The following LRRTM4 variants were observed in gnomAD, a reference collection of about 807,000 sequenced individuals.
LRRTM4 encodes the protein leucine rich repeat transmembrane neuronal 4.
A neutral mutation model predicts 47.6 loss-of-function variants in LRRTM4; 25 were observed. The ratio of observed to expected loss-of-function variants is 0.53; its 90% confidence interval spans 0.38 to 0.73. LRRTM4 has a LOEUF of 0.73. Ranked by LOEUF, LRRTM4 falls within the 30% of genes least tolerant of loss-of-function variation. The probability of loss-of-function intolerance (pLI) is 0.00; values close to 1 mark genes in which losing one functional copy is unlikely to be tolerated. For missense variants in LRRTM4, 638 were observed against 713.4 expected (o/e 0.89, Z 1.20); for synonymous variants, 311 against 269.5 (o/e 1.15, Z -1.51).
rs1672632496 is a variant in LRRTM4, at chr2:76,871,830, C to T, written c.1552-122914G>A. Reference sequence around the variant, plus strand: ...ATGGAAGAGCCCACATGGCAAGGAACTGAAGACTACCTCTGACAGCCAGCA... The same window carrying T: ...ATGGAAGAGCCCACATGGCAAGGAATTGAAGACTACCTCTGACAGCCAGCA... On this transcript the variant is annotated intron_variant, in intron 3 of 3. Transcript: ENST00000409884. Among the ~76,000 whole-genome samples the T allele has an allele frequency of 2.6e-5, 4 of 152,202 alleles. No homozygotes were observed. The South Asian group carries it at 8.3e-4, about 31-fold the overall frequency.
chr2:77,332,998 A>G (rs1178559761), intron 3 of LRRTM4, among the ~76,000 whole-genome samples: 1 of 152,144 alleles, frequency 6.6e-6, no homozygotes, highest in Non-Finnish European at 1.5e-5. Context: ...TTCTCACGTT[A>G]GTGAATGAGT....
At chr2:76,756,799 C>A (rs72917766) in intron 3 of LRRTM4, among the ~76,000 whole-genome samples, 14,931 of 151,934 alleles carry the variant, frequency 0.098, 1,030 homozygotes, top group East Asian at 0.29. Flanking sequence ...AGAAAAATTC[C>A]AGAATTCGAA....
intron 3 of LRRTM4, among the ~76,000 whole-genome samples, chr2:77,092,738 T>C (rs1670688231): frequency 7.0e-6 from 1 of 143,578 alleles, no homozygotes; most frequent in South Asian, 2.2e-4. Flanking sequence ...CTGTCAGACA[T>C]AATTCCTCAG....
intron 3 of LRRTM4, among the ~76,000 whole-genome samples, chr2:76,901,746 T>C (rs1392165719): frequency 6.6e-6 from 1 of 152,098 alleles, no homozygotes; most frequent in Non-Finnish European, 1.5e-5. Flanking sequence ...CTCTTCTCCT[T>C]GTTGAGTGGG....
At chr2:76,940,151 A>G (rs1375614936) in intron 3 of LRRTM4, among the ~76,000 whole-genome samples, 1 of 152,178 alleles carries the variant, frequency 6.6e-6, no homozygotes, top group Non-Finnish European at 1.5e-5. Flanking sequence ...ATATACCTAA[A>G]GCTATGTAAG....
intron 3 of LRRTM4, among the ~76,000 whole-genome samples, chr2:77,207,540 G>T (rs1674170128): frequency 6.6e-6 from 1 of 151,520 alleles, no homozygotes; most frequent in Non-Finnish European, 1.5e-5. Context: ...GTGACTTATT[G>T]TTCATTGCAG....
Position 76,769,577 on chromosome 2 carries a change from A to C in LRRTM4, c.1552-20661T>G, listed in dbSNP as rs1673597802. ...ACAATAATATGGTTGTTAAAATCCT[A>C]TGCTAAGTGTGTCCAATGTTCTTTA... is the stretch of plus-strand genomic sequence containing the variant. On this transcript the variant is annotated intron_variant, in intron 3 of 3. Coordinates refer to ENST00000409884, the MANE Select transcript of LRRTM4 (RefSeq NM_001134745.3). Among the ~76,000 whole-genome samples, 4 of 152,276 alleles carry C rather than the reference A, an allele frequency of 2.6e-5. No homozygotes were observed. The South Asian group carries it at 8.3e-4, about 32-fold the overall frequency.
chr2:77,117,607 TA>T, intron 3 of LRRTM4, among the ~76,000 whole-genome samples: 1 of 151,948 alleles, frequency 6.6e-6, no homozygotes, highest in East Asian at 1.9e-4. Context: ...GACCAATAAA[TA>T]AATAAAATTG....
rs79243287 is a variant in LRRTM4, at chr2:77,250,567, G to T, written c.1551+267751C>A. Among the ~76,000 whole-genome samples the T allele has an allele frequency of 2.8e-3, 427 of 152,168 alleles. 14 individuals carry two copies. In the East Asian group the frequency reaches 0.053, roughly 19 times the overall value. ...TACTAATTTATATGTACATAAACAG[G>T]TCTTCTTAAGTGGTTTCATAAATAT... On this transcript the variant is annotated intron_variant, in intron 3 of 3. Coordinates refer to ENST00000409884, the MANE Select transcript of LRRTM4 (RefSeq NM_001134745.3).
At chr2:77,306,895 A>ATTTTTTTTTTTTTTTTTTTTTTTTT (rs1491512359) in intron 3 of LRRTM4, among the ~76,000 whole-genome samples, 1 of 125,586 alleles carries the variant, frequency 8.0e-6, no homozygotes, top group African/African-American at 3.9e-5. Context: ...CTGCTTTTCC[A>ATTTTTTTTTTTTTTTTTTTTTTTTT]TATTTTTTTT....
At chr2:77,047,937 T>C (rs1231351322) in intron 3 of LRRTM4, among the ~76,000 whole-genome samples, 3 of 152,078 alleles carry the variant, frequency 2.0e-5, no homozygotes, top group Non-Finnish European at 2.9e-5. Flanking sequence ...GTAGGACATT[T>C]AGCAGTGAAG....
At chr2:76,801,473 A>T (rs915985839) in intron 3 of LRRTM4, among the ~76,000 whole-genome samples, 4 of 152,042 alleles carry the variant, frequency 2.6e-5, no homozygotes, top group African/African-American at 4.8e-5. Flanking sequence ...ATGAGATCAC[A>T]TGGACACAGG....
At chr2:77,021,980 T>G (rs1678292504) in intron 3 of LRRTM4, among the ~76,000 whole-genome samples, 2 of 152,122 alleles carry the variant, frequency 1.3e-5, no homozygotes, top group Admixed American at 1.3e-4. Context: ...ACATATCCCC[T>G]TTTCCTCCAC....
intron 3 of LRRTM4, among the ~76,000 whole-genome samples, chr2:77,026,408 T>C (rs1380724421): frequency 6.6e-6 from 1 of 152,138 alleles, no homozygotes; most frequent in African/African-American, 2.4e-5. Context: ...AGATCCTAAA[T>C]GCTTGGTTTT....
intron 3 of LRRTM4, among the ~76,000 whole-genome samples, chr2:76,917,187 A>G (rs766950368): frequency 1.3e-5 from 2 of 152,200 alleles, no homozygotes; most frequent in Non-Finnish European, 2.9e-5. Context: ...CATAAATGAT[A>G]TGCAAATGAA....
chr2:76,933,772 T>A (rs1342792128), intron 3 of LRRTM4, among the ~76,000 whole-genome samples: 1 of 152,082 alleles, frequency 6.6e-6, no homozygotes, highest in Admixed American at 6.6e-5. Context: ...AGCACAGAAT[T>A]AGTATCAGAA....
chr2:77,097,849 C>G (rs899063993), intron 3 of LRRTM4, among the ~76,000 whole-genome samples: 3 of 151,510 alleles, frequency 2.0e-5, no homozygotes, highest in African/African-American at 7.3e-5. Context: ...ACATAGAAAA[C>G]AAGGCACAAT....
chr2:77,465,361 G>GA (rs1158075806), intron 3 of LRRTM4, among the ~76,000 whole-genome samples: 1 of 152,156 alleles, frequency 6.6e-6, no homozygotes, highest in African/African-American at 2.4e-5. Context: ...AAGATTGTGT[G>GA]AAATGAAAGT....
At chr2:76,960,789 A>T (rs193253282) in intron 3 of LRRTM4, among the ~76,000 whole-genome samples, 1 of 151,694 alleles carries the variant, frequency 6.6e-6, no homozygotes, top group East Asian at 1.9e-4. Context: ...ATAGTTGCTT[A>T]AATATCTGGA....
Sources: gnomAD v4.1 joint callset for allele counts (sites outside exome capture counted in the v4.1 genomes callset) on GRCh38, gnomAD v4.1.1 for gene constraint, MANE v1.5 for transcripts, NCBI Gene and HGNC (gene_info 2026-07-23, HGNC 2026-07-21) for gene names.